The following CAMK4 variants were observed in gnomAD, a reference collection of about 807,000 sequenced individuals.
CAMK4 encodes calcium/calmodulin-dependent protein kinase type IV.
CAMK4 carries 22 observed loss-of-function variants against 44.9 expected under a neutral mutation model. The ratio of observed to expected loss-of-function variants is 0.49; its 90% CI spans 0.35 to 0.70. The LOEUF (loss-of-function observed/expected upper bound fraction) is 0.70. Ranked by LOEUF, CAMK4 falls within the 30% of genes least tolerant of loss-of-function variation. CAMK4 has a pLI of 0.01. For synonymous variants in CAMK4, 218 were observed against 215.4 expected, an observed-to-expected ratio of 1.01 and a Z score of -0.11; for missense variants, 498 against 586.8, an observed-to-expected ratio of 0.85 and a Z score of 1.56.
chr5:111,341,336 G>A (rs1317536706), intron 1 of CAMK4, among the ~76,000 whole-genome samples: 1 of 150,886 alleles, frequency 6.6e-6, no homozygotes, highest in African/African-American at 2.4e-5. Flanking sequence ...TCCTGGTTTT[G>A]CATTTCTATC....
In CAMK4 at chr5:111,487,928, G is replaced by A. The variant is rs1215030254; in HGVS notation, c.*3462G>A. On this transcript the variant is annotated 3_prime_UTR_variant, in exon 11 of 11. Transcript: ENST00000282356. ...CACTCCTGCCCATTCATTTACTTCA[G>A]AGGAGAAATGATTCCTAACATGACT... is the stretch of plus-strand genomic sequence containing the variant. 1.3e-5 allele frequency: 2 copies of A among 152,166 alleles called. No individual in the cohort carries two copies. Among genetic ancestry groups the A allele is most frequent in the Non-Finnish European group, 2.9e-5 (2 of 68,032 alleles). 9.4% of individuals were successfully genotyped at this position (152,166 alleles called of 1,614,324 possible).
intron 4 of CAMK4, among the ~76,000 whole-genome samples, chr5:111,387,089 T>C (rs1751631377): frequency 6.6e-6 from 1 of 152,176 alleles, no homozygotes; most frequent in Admixed American, 6.5e-5. Flanking sequence ...TTATTATTTT[T>C]CAAATCACGA....
At chr5:111,310,990 G>A (rs1748179400) in intron 1 of CAMK4, among the ~76,000 whole-genome samples, 1 of 152,060 alleles carries the variant, frequency 6.6e-6, no homozygotes, top group Admixed American at 6.6e-5. Context: ...GTATAATACA[G>A]TTGAATTTAG....
At chr5:111,464,833 T>C (rs926142515) in intron 7 of CAMK4, among the ~76,000 whole-genome samples, 1 of 152,140 alleles carries the variant, frequency 6.6e-6, no homozygotes, top group African/African-American at 2.4e-5. Context: ...ACATAGACAG[T>C]TTTCTGGTGA....
intron 1 of CAMK4, among the ~76,000 whole-genome samples, chr5:111,332,712 A>G (rs947924407): frequency 1.3e-5 from 2 of 151,564 alleles, no homozygotes; most frequent in South Asian, 2.1e-4. Context: ...CTGCTGGTCT[A>G]GTGCATTTGG....
At chr5:111,312,807 C>T (rs887536442) in intron 1 of CAMK4, among the ~76,000 whole-genome samples, 3 of 152,076 alleles carry the variant, frequency 2.0e-5, no homozygotes, top group East Asian at 1.9e-4. Flanking sequence ...AGCGGAGAGC[C>T]CTATGCTCAT....
At chr5:111,231,273 A>G (rs1248224058) in intron 1 of CAMK4, among the ~76,000 whole-genome samples, 2 of 152,316 alleles carry the variant, frequency 1.3e-5, no homozygotes, top group African/African-American at 2.4e-5. Context: ...GGTAAAGGGT[A>G]ATGCAAGTAG....
In CAMK4 at chr5:111,327,718, G is replaced by A. The variant is rs375918330; in HGVS notation, c.162-16306G>A. 7.1e-3 allele frequency among the ~76,000 whole-genome samples: 1,068 copies of A among 150,764 alleles called. 8 individuals are homozygous for A. The highest frequency in any genetic ancestry group is 0.024 in the African/African-American group (989 of 40,816). ...TCACCATTCTAACTGGTGTGAGATGGTATCTCATTGTGGTTTTGATTTGCA... is the reference window on the plus strand; with the variant it reads ...TCACCATTCTAACTGGTGTGAGATGATATCTCATTGTGGTTTTGATTTGCA... On this transcript the variant is annotated intron_variant, in intron 1 of 10. Transcript: ENST00000282356.
At chr5:111,382,255 T>C (rs1240175397) in intron 4 of CAMK4, among the ~76,000 whole-genome samples, 1 of 152,142 alleles carries the variant, frequency 6.6e-6, no homozygotes, top group East Asian at 1.9e-4. Context: ...ATATGAGTCC[T>C]AATAGTAATC....
chr5:111,239,123 G>A (rs6869197), intron 1 of CAMK4, among the ~76,000 whole-genome samples: 54,878 of 151,794 alleles, frequency 0.36, 10,711 homozygotes, highest in Middle Eastern at 0.47. Context: ...TCAGGACTTG[G>A]ATCTGTATTC....
intron 4 of CAMK4, among the ~76,000 whole-genome samples, chr5:111,380,435 C>T (rs75294912): frequency 0.023 from 3,449 of 152,046 alleles, 63 homozygotes; most frequent in South Asian, 0.069. Flanking sequence ...ATTTGTTGTA[C>T]AGATTGTTTC....
At chr5:111,242,910 C>T (rs1171126690) in intron 1 of CAMK4, among the ~76,000 whole-genome samples, 1 of 152,110 alleles carries the variant, frequency 6.6e-6, no homozygotes, top group Non-Finnish European at 1.5e-5. Context: ...CAGGTGTCAT[C>T]TCGGGAAGCC....
rs1366768265 is a variant in CAMK4, at chr5:111,412,554, A to G, written c.459+17772A>G. ...CTAGAGGACAATAGAGCAAGTGTCT[A>G]CAGGGAAGAATGCATTGTAATCCAT... On this transcript the variant is annotated intron_variant, in intron 5 of 10. Transcript: ENST00000282356. 2.7e-4 allele frequency among the ~76,000 whole-genome samples: 41 copies of G among 152,236 alleles called. 1 individual carries two copies. Among genetic ancestry groups the G allele is most frequent in the Admixed American group, 2.7e-3 (41 of 15,286 alleles).
At chr5:111,469,720 G>A (rs1466644753) in intron 7 of CAMK4, among the ~76,000 whole-genome samples, 1 of 152,300 alleles carries the variant, frequency 6.6e-6, no homozygotes, top group East Asian at 1.9e-4. Context: ...CACAGTAGCT[G>A]TTGTAGCAGA....
At chr5:111,369,871 T>C (rs1321334156) in intron 2 of CAMK4, among the ~76,000 whole-genome samples, 1 of 152,166 alleles carries the variant, frequency 6.6e-6, no homozygotes, top group Non-Finnish European at 1.5e-5. Context: ...ATATGAATAT[T>C]TTAATTGTTG....
chr5:111,428,589 A>G (rs1164146690), intron 5 of CAMK4, among the ~76,000 whole-genome samples: 1 of 152,234 alleles, frequency 6.6e-6, no homozygotes, highest in Non-Finnish European at 1.5e-5. Context: ...TGCAATTGGC[A>G]TGTTGAAGAA....
At chr5:111,240,318 A>C (rs970556784) in intron 1 of CAMK4, among the ~76,000 whole-genome samples, 1 of 149,192 alleles carries the variant, frequency 6.7e-6, no homozygotes, top group Non-Finnish European at 1.5e-5. Context: ...AAAAAAAAAA[A>C]ACCCATAAGT....
chr5:111,367,016 CAAAT>C (rs889008298), intron 2 of CAMK4, among the ~76,000 whole-genome samples: 5 of 151,496 alleles, frequency 3.3e-5, no homozygotes, highest in African/African-American at 1.2e-4. Flanking sequence ...AGAGCAATGA[CAAAT>C]AAATGGAGAC....
intron 9 of CAMK4, among the ~76,000 whole-genome samples, chr5:111,481,259 A>G (rs1561514252): frequency 6.6e-6 from 1 of 152,176 alleles, no homozygotes; most frequent in East Asian, 1.9e-4. Flanking sequence ...GAAAATACCT[A>G]ATTGTCAAAA....
Sources: allele counts gnomAD v4.1 joint callset (sites outside exome capture counted in the v4.1 genomes callset), GRCh38; gene constraint gnomAD v4.1.1; transcripts MANE v1.5; gene names NCBI Gene and HGNC (gene_info 2026-07-23, HGNC 2026-07-21).